Variants in COL24A1 observed in about 807,000 individuals in gnomAD.
COL24A1 encodes the protein collagen type XXIV alpha 1 chain.
COL24A1 carries 224 observed loss-of-function variants against 253.9 expected under a neutral mutation model. The ratio of observed to expected loss-of-function variants is 0.88; its 90% confidence interval spans 0.79 to 0.99. The LOEUF is 0.99. Ranked by LOEUF, COL24A1 falls within the 50% of genes least tolerant of loss-of-function variation. COL24A1 has a pLI of 0.00. For synonymous variants in COL24A1, 685 were observed against 673.7 expected (o/e 1.02, Z -0.26); for missense variants, 2,131 against 2,068.5 (o/e 1.03, Z -0.59).
chr1:85,782,851 T>C (rs1238593873), intron 51 of COL24A1, among the ~76,000 whole-genome samples: 1 of 152,194 alleles, frequency 6.6e-6, no homozygotes, highest in Non-Finnish European at 1.5e-5. Flanking sequence ...TTCAGTTTTA[T>C]AGAACATCTC....
chr1:86,101,322 T>C (rs1471834891), intron 5 of COL24A1, among the ~76,000 whole-genome samples: 2 of 152,176 alleles, frequency 1.3e-5, no homozygotes, highest in Non-Finnish European at 2.9e-5. Flanking sequence ...AGAATCATAT[T>C]GTCTGCAAAC....
intron 20 of COL24A1, among the ~76,000 whole-genome samples, chr1:85,971,719 G>A (rs571896932): frequency 3.3e-5 from 5 of 152,258 alleles, no homozygotes; most frequent in South Asian, 4.1e-4. Flanking sequence ...ACAGTAAACC[G>A]AATAGAGTGT....
intron 24 of COL24A1, among the ~76,000 whole-genome samples, chr1:85,921,564 A>G (rs1686499930): frequency 6.6e-6 from 1 of 152,246 alleles, no homozygotes; most frequent in African/African-American, 2.4e-5. Context: ...AAACTCCAAC[A>G]GACCTGCAGC....
intron 19 of COL24A1, among the ~76,000 whole-genome samples, chr1:86,005,659 C>G (rs1695880016): frequency 6.6e-6 from 1 of 151,816 alleles, no homozygotes; most frequent in African/African-American, 2.4e-5. Context: ...AGAAAAGGAA[C>G]AAAGCAAGAA....
At chr1:85,855,824 G>A (rs1305588931) in intron 37 of COL24A1, among the ~76,000 whole-genome samples, 13 of 152,062 alleles carry the variant, frequency 8.5e-5, no homozygotes, top group African/African-American at 3.1e-4. Context: ...ATCTGGTCCT[G>A]GGCTTTTCTG....
intron 45 of COL24A1, among the ~76,000 whole-genome samples, chr1:85,820,171 G>A (rs1035633186): frequency 6.6e-6 from 1 of 152,064 alleles, no homozygotes; most frequent in Non-Finnish European, 1.5e-5. Context: ...TTCTTAGGGT[G>A]GATAGAAACA....
chr1:85,880,746 T>C (rs1466834047), intron 32 of COL24A1, among the ~76,000 whole-genome samples: 1 of 151,958 alleles, frequency 6.6e-6, no homozygotes, highest in African/African-American at 2.4e-5. Context: ...TCTTGAATTG[T>C]TGTTGGATTT....
Position 85,875,281 on chromosome 1 carries a change from G to A in COL24A1, c.3080C>T (p.Ala1027Val), listed in dbSNP as rs572025648. 29 of 1,613,434 alleles carry A rather than the reference G, an allele frequency of 1.8e-5. No homozygotes were observed. Among genetic ancestry groups the A allele is most frequent in the South Asian group, 1.8e-4 (16 of 91,064 alleles). Residue 1027 changes from alanine to valine, a missense_variant, in exon 34 of 60, where the codon GCA becomes GTA. Physicochemically the swap from Ala to Val is moderately conservative, Grantham distance 64. Coordinates refer to ENST00000370571, the MANE Select transcript of COL24A1 (RefSeq NM_152890.7). Reference protein sequence around the residue: ...GESGLQGEPGAKGDVGTAGSV... With the variant: ...GESGLQGEPGVKGDVGTAGSV... The stretch of plus-strand genomic sequence containing the variant: ...CTTTATTTTTTAGAAGGTTACCTTT[G>A]CACCTGGTTCACCTTGCAGACCAGA...
intron 7 of COL24A1, among the ~76,000 whole-genome samples, chr1:86,078,125 G>A (rs1406024440): frequency 6.6e-6 from 1 of 152,080 alleles, no homozygotes; most frequent in African/African-American, 2.4e-5. Flanking sequence ...ATTTATCTCA[G>A]GGATGCAAGG....
At chr1:86,078,957 C>T (rs1282132619) in intron 7 of COL24A1, among the ~76,000 whole-genome samples, 1 of 151,932 alleles carries the variant, frequency 6.6e-6, no homozygotes, top group East Asian at 1.9e-4. Flanking sequence ...AAAAGCAATC[C>T]TAAAATTTAT....
intron 24 of COL24A1, among the ~76,000 whole-genome samples, chr1:85,947,379 A>G (rs999977432): frequency 6.6e-6 from 1 of 152,216 alleles, no homozygotes; most frequent in Non-Finnish European, 1.5e-5. Flanking sequence ...GAAGAAATGC[A>G]GGTTAGTTAT....
chr1:85,909,951 A>T lies in COL24A1; in HGVS notation c.2669T>A (p.Met890Lys). The T allele has an allele frequency of 6.2e-7, 1 of 1,608,862 alleles. No individual in the cohort carries two copies. Among genetic ancestry groups the T allele is most frequent in the Non-Finnish European group, 8.5e-7 (1 of 1,175,722 alleles). ...PLGPQGEKGV[M>K]GYPGPPGVPG... ...TTTTTCAAATCACTGAGCTCTTACC[A>T]TAACACCTTTTTCTCCCTGCGGACC... The change falls in exon 26 of 60, where the codon ATG becomes AAG. Residue 890 changes from methionine (M) to lysine (K), a missense_variant and splice_region_variant. By Grantham distance (95) the Met-to-Lys change is moderately conservative. Transcript: ENST00000370571.
chr1:86,079,248 A>C (rs939257561), intron 7 of COL24A1, among the ~76,000 whole-genome samples: 3 of 152,196 alleles, frequency 2.0e-5, no homozygotes, highest in Non-Finnish European at 4.4e-5. Flanking sequence ...CTGGATATCC[A>C]TATGTAGAAT....
rs752038146 is a variant in COL24A1, at chr1:85,818,090, A to G, written c.3790-3T>C. 2 of 1,612,502 alleles carry G rather than the reference A, an allele frequency of 1.2e-6. No homozygotes were observed. Among genetic ancestry groups the G allele is most frequent in the Non-Finnish European group, 1.7e-6 (2 of 1,178,570 alleles). ...GCTCCTTTTTTCCCCTTATTACCCT[A>G]AAGATGGAAAGCACAGTTGTCAATT... On this transcript the variant is annotated splice_polypyrimidine_tract_variant and splice_region_variant and intron_variant, in intron 45 of 59. Coordinates refer to ENST00000370571, the MANE Select transcript of COL24A1 (RefSeq NM_152890.7).
intron 5 of COL24A1, among the ~76,000 whole-genome samples, chr1:86,098,587 G>GGTAAACAC (rs1347617801): frequency 7.9e-5 from 12 of 152,078 alleles, no homozygotes. Flanking sequence ...TAAATACTTT[G>GGTAAACAC]GTAAACACCT....
rs1290852157 is a variant in COL24A1, at chr1:85,786,346, T to C, written c.4059+8A>G. 3.1e-6 allele frequency: 5 copies of C among 1,612,784 alleles called. No individual in the cohort carries two copies. In the African/African-American group the frequency reaches 6.7e-5, roughly 22 times the overall value. ...CTGCTTACCCATTGGAACAAAATAT[T>C]AAAGTACCTTTGGGCCTTGAATTCC... On this transcript the variant is annotated splice_region_variant and intron_variant, in intron 48 of 59. Transcript: ENST00000370571.
rs185474905 is a variant in COL24A1, at chr1:85,767,143, A to C, written c.4375-5577T>G. Among the ~76,000 whole-genome samples, 1,008 of 151,788 alleles carry C rather than the reference A, an allele frequency of 6.6e-3. 10 individuals carry two copies. Among genetic ancestry groups the C allele is most frequent in the African/African-American group, 0.023 (961 of 41,376 alleles). On this transcript the variant is annotated intron_variant, in intron 53 of 59. Transcript: ENST00000370571. ...TAATAATAATAATAATAAGATTGAC[A>C]AACCAATTTGATAGATTGTTGTGAT... is the stretch of plus-strand genomic sequence containing the variant.
intron 48 of COL24A1, among the ~76,000 whole-genome samples, chr1:85,786,076 G>A (rs1199290347): frequency 3.9e-5 from 6 of 152,286 alleles, no homozygotes; most frequent in African/African-American, 1.4e-4. Flanking sequence ...AGATGACAGA[G>A]AAGGAAAAAG....
intron 19 of COL24A1, among the ~76,000 whole-genome samples, chr1:85,997,712 CG>C (rs1409099602): frequency 6.7e-6 from 1 of 149,570 alleles, no homozygotes; most frequent in African/African-American, 2.5e-5. Context: ...AACCCAGAGG[CG>C]GAGGTTGCAG....
Sources: allele counts gnomAD v4.1 joint callset (sites outside exome capture counted in the v4.1 genomes callset), GRCh38; gene constraint gnomAD v4.1.1; transcripts MANE v1.5; gene names NCBI Gene and HGNC (gene_info 2026-07-23, HGNC 2026-07-21).